LPAR1: variants seen among roughly 807,000 people sequenced by gnomAD.
The protein encoded by LPAR1 is lysophosphatidic acid receptor 1.
In LPAR1, 5 loss-of-function variants were observed where a neutral mutation model predicts 23.8. The ratio of observed to expected loss-of-function variants is 0.21; its 90% CI spans 0.11 to 0.44. The LOEUF is 0.44. Ranked by LOEUF, LPAR1 falls within the 20% of genes least tolerant of loss-of-function variation. The pLI is 0.99. For missense variants in LPAR1, 311 were observed against 482.8 expected (o/e 0.64, Z 3.33); for synonymous variants, 160 against 164.7 (o/e 0.97, Z 0.22).
chr9:110,927,547 A>G (rs1436558943), intron 5 of LPAR1, among the ~76,000 whole-genome samples: 1 of 152,132 alleles, frequency 6.6e-6, no homozygotes, highest in Non-Finnish European at 1.5e-5. Flanking sequence ...AAAAATATTG[A>G]CCTAGGAAAA....
rs2097274351 is a variant in LPAR1 at position 111,009,023 on chromosome 9, C to T, written c.-182+27099G>A. The stretch of plus-strand genomic sequence containing the variant: ...AGAGTCATCAAAAAGAACAAACAGT[C>T]GAAGCAGACTTACAAAGTCTACAGA... On this transcript the variant is annotated intron_variant, in intron 2 of 5. Transcript: ENST00000683809. 2.0e-5 allele frequency among the ~76,000 whole-genome samples: 3 copies of T among 151,782 alleles called. No homozygotes were observed. The South Asian group carries it at 6.2e-4, about 31-fold the overall frequency.
At chr9:110,928,996 T>C (rs531857193) in intron 5 of LPAR1, among the ~76,000 whole-genome samples, 1 of 152,330 alleles carries the variant, frequency 6.6e-6, no homozygotes, top group African/African-American at 2.4e-5. Flanking sequence ...TAGAATGAAC[T>C]CATGGAAAAC....
chr9:110,968,073 G>A (rs554787564), intron 4 of LPAR1, among the ~76,000 whole-genome samples: 4 of 152,290 alleles, frequency 2.6e-5, no homozygotes, highest in African/African-American at 9.6e-5. Flanking sequence ...ATTATCGAAA[G>A]TCAGAACTTG....
At chr9:110,965,000 A>G (rs1319307558) in intron 4 of LPAR1, among the ~76,000 whole-genome samples, 1 of 151,786 alleles carries the variant, frequency 6.6e-6, no homozygotes, top group Non-Finnish European at 1.5e-5. Flanking sequence ...CCTCCTGAGT[A>G]GCTGAGATTA....
intron 5 of LPAR1, among the ~76,000 whole-genome samples, chr9:110,924,835 T>C (rs570724676): frequency 1.3e-5 from 2 of 152,350 alleles, no homozygotes; most frequent in South Asian, 4.1e-4. Flanking sequence ...TCCAACAAGA[T>C]AGTCTCTCTC....
intron 5 of LPAR1, among the ~76,000 whole-genome samples, chr9:110,907,357 G>C (rs543024611): frequency 1.3e-5 from 2 of 152,208 alleles, no homozygotes; most frequent in African/African-American, 4.8e-5. Context: ...AAAAGGCAAG[G>C]GGTAATCGTT....
At chr9:110,902,764 G>C (rs1708062767) in intron 5 of LPAR1, among the ~76,000 whole-genome samples, 1 of 152,152 alleles carries the variant, frequency 6.6e-6, no homozygotes, top group Non-Finnish European at 1.5e-5. Context: ...CACCTGGGAA[G>C]TGTTTTCCTT....
At chr9:110,916,287 A>G (rs1026394174) in intron 5 of LPAR1, among the ~76,000 whole-genome samples, 1 of 152,184 alleles carries the variant, frequency 6.6e-6, no homozygotes, top group Non-Finnish European at 1.5e-5. Context: ...TTCTCTGGGC[A>G]ATACAGCTAG....
intron 2 of LPAR1, among the ~76,000 whole-genome samples, chr9:110,995,531 A>G (rs909685025): frequency 1.3e-5 from 2 of 152,192 alleles, no homozygotes; most frequent in African/African-American, 4.8e-5. Flanking sequence ...TCTCTAAAAC[A>G]GTAAATATAG....
chr9:110,900,665 T>C (rs974579111), intron 5 of LPAR1, among the ~76,000 whole-genome samples: 2 of 152,220 alleles, frequency 1.3e-5, no homozygotes, highest in East Asian at 1.9e-4. Flanking sequence ...TTGCTATCAC[T>C]AGTATAAAAT....
intron 5 of LPAR1, among the ~76,000 whole-genome samples, chr9:110,909,762 T>TATTTATTTAGAG (rs894145490): frequency 9.3e-5 from 14 of 150,190 alleles, no homozygotes; most frequent in South Asian, 8.5e-4. Context: ...TTTATTTATT[T>TATTTATTTAGAG]AGAGAGAGGG....
At chr9:111,022,777 G>A (rs530925411) in intron 2 of LPAR1, among the ~76,000 whole-genome samples, 15 of 152,042 alleles carry the variant, frequency 9.9e-5, no homozygotes, top group Non-Finnish European at 1.5e-4. Context: ...ATTGCCGGGC[G>A]CGGTGGCTCA....
chr9:110,992,709 C>T (rs1304216273), intron 2 of LPAR1, among the ~76,000 whole-genome samples: 4 of 151,858 alleles, frequency 2.6e-5, no homozygotes, highest in African/African-American at 4.8e-5. Flanking sequence ...CAAAATAAGC[C>T]GAGTAAAATA....
At chr9:111,029,644 G>A (rs189590713) in intron 2 of LPAR1, among the ~76,000 whole-genome samples, 1 of 151,986 alleles carries the variant, frequency 6.6e-6, no homozygotes, top group Non-Finnish European at 1.5e-5. Context: ...TTTGAAACTT[G>A]GTTTACCGTA....
rs560747607 is a variant in LPAR1, at chr9:110,901,811, G to A, written c.794-26089C>T. Among the ~76,000 whole-genome samples, 610 of 152,202 alleles carry A rather than the reference G, an allele frequency of 4.0e-3. 4 individuals are homozygous for A. The highest frequency in any genetic ancestry group is 0.014 in the African/African-American group (578 of 41,532). On this transcript the variant is annotated intron_variant, in intron 5 of 5. Transcript: ENST00000683809. ...GTTTTGTTTACAGGGAACTATGAAA[G>A]GTAGAAAAATAGAGAACTTTCTACT...
At chr9:110,895,812 T>C (rs2086130633) in intron 5 of LPAR1, among the ~76,000 whole-genome samples, 2 of 151,014 alleles carry the variant, frequency 1.3e-5, no homozygotes, top group South Asian at 4.2e-4. Context: ...ACAATAAAAA[T>C]AATTTTCCTA....
chr9:110,972,642 T>C (rs1184847656), intron 3 of LPAR1, among the ~76,000 whole-genome samples: 1 of 152,082 alleles, frequency 6.6e-6, no homozygotes, highest in East Asian at 1.9e-4. Flanking sequence ...AGCCCCCCAG[T>C]GGATACTTGA....
chr9:111,010,337 A>G (rs1320334256), intron 2 of LPAR1, among the ~76,000 whole-genome samples: 2 of 152,014 alleles, frequency 1.3e-5, no homozygotes, highest in Non-Finnish European at 2.9e-5. Context: ...TCTTGCATTA[A>G]TATCTGGGGA....
intron 5 of LPAR1, among the ~76,000 whole-genome samples, chr9:110,881,077 GATTA>G (rs1204951434): frequency 1.3e-5 from 2 of 152,068 alleles, no homozygotes; most frequent in Admixed American, 1.3e-4. Context: ...GAATAACCCA[GATTA>G]ATTAAAAAAT....
Sources: allele counts gnomAD v4.1 joint callset (sites outside exome capture counted in the v4.1 genomes callset), GRCh38; gene constraint gnomAD v4.1.1; transcripts MANE v1.5; gene names NCBI Gene and HGNC (gene_info 2026-07-23, HGNC 2026-07-21).